PAK3: variants seen among roughly 807,000 people sequenced by gnomAD.
PAK3 encodes p21 (RAC1) activated kinase 3.
Under a neutral mutation model 41.0 loss-of-function variants are expected in PAK3, and 4 were observed. That is an observed-to-expected ratio of 0.10 (90% confidence interval 0.05 to 0.22). The LOEUF (loss-of-function observed/expected upper bound fraction) is 0.22, where lower values mean the gene tolerates loss of function less well. Ranked by LOEUF, PAK3 falls within the 10% of genes least tolerant of loss-of-function variation. The pLI, the probability that PAK3 is intolerant of heterozygous loss-of-function variation, is 1.00. For missense variants in PAK3, 205 were observed against 409.9 expected (o/e 0.50, Z 4.32); for synonymous variants, 146 against 139.6 (o/e 1.05, Z -0.32).
At chrX:110,976,014 A>T (rs921820427) in intron 1 of PAK3, among the ~76,000 whole-genome samples, 4 of 112,278 alleles carry the variant, frequency 3.6e-5, no homozygotes, top group South Asian at 3.7e-4. Context: ...ACCCTAGAAC[A>T]AAACCTAGGC....
intron 5 of PAK3, among the ~76,000 whole-genome samples, chrX:111,137,632 C>T (rs2093809770): frequency 9.0e-6 from 1 of 111,363 alleles, no homozygotes; most frequent in African/African-American, 3.3e-5. Flanking sequence ...TGATAGATGA[C>T]TAGAGGGACT....
intron 1 of PAK3, among the ~76,000 whole-genome samples, chrX:111,015,807 TTGTTGTTGC>T (rs2092080694): frequency 8.9e-6 from 1 of 112,094 alleles, no homozygotes; most frequent in South Asian, 3.7e-4. Flanking sequence ...TTTGTTGTTG[TTGTTGTTGC>T]TGTTGCTGTT....
At chrX:111,031,587 GT>G (rs2092341120) in intron 1 of PAK3, among the ~76,000 whole-genome samples, 1 of 111,440 alleles carries the variant, frequency 9.0e-6, no homozygotes, top group Non-Finnish European at 1.9e-5. Context: ...TGTACTTGTT[GT>G]TTCTTTTTGC....
rs188031555 is a variant in PAK3 at position 111,115,346 on chromosome X, T to A, written c.-27-7731T>A. Among the ~76,000 whole-genome samples, 8 of 112,075 alleles carry A rather than the reference T, an allele frequency of 7.1e-5. No homozygotes were observed. The East Asian group carries it at 2.3e-3, about 32-fold the overall frequency. ...TAAAGAGACTGCTTTGGGTGTATTA[T>A]AATCTTTTTTAAAATACCCATGCCA... On this transcript the variant is annotated intron_variant, in intron 4 of 17. Coordinates refer to ENST00000372007, the MANE Select transcript of PAK3 (RefSeq NM_002578.5).
intron 10 of PAK3, among the ~76,000 whole-genome samples, chrX:111,168,305 A>C (rs1225448196): frequency 8.9e-6 from 1 of 112,003 alleles, no homozygotes; most frequent in Non-Finnish European, 1.9e-5. Context: ...TCTGGTAGGA[A>C]ATTGTTCTGG....
intron 1 of PAK3, among the ~76,000 whole-genome samples, chrX:110,949,095 G>C (rs1486156585): frequency 8.9e-6 from 1 of 112,190 alleles, no homozygotes; most frequent in Non-Finnish European, 1.9e-5. Flanking sequence ...CAGATCTGCT[G>C]CCTCCCAGTG....
Position 111,167,848 on chromosome X carries a change from A to G in PAK3, c.766+4121A>G, listed in dbSNP as rs140473704. On this transcript the variant is annotated intron_variant, in intron 10 of 17. Transcript: ENST00000372007. ...TGTAACAAAACTGCACGTTCTGCAC[A>G]TGTACCCCATAACTTAAAGTATAAT... Among the ~76,000 whole-genome samples, 1,107 of 110,780 alleles carry G rather than the reference A, an allele frequency of 1.0e-2. 19 individuals carry two copies. Among genetic ancestry groups the G allele is most frequent in the African/African-American group, 0.033 (1,015 of 30,445 alleles).
rs772343161 is a variant in PAK3, at chrX:110,960,305, T to C, written c.-28+15677T>C. Among the ~76,000 whole-genome samples the C allele has an allele frequency of 4.5e-5, 5 of 112,085 alleles. No homozygotes were observed. In the South Asian group the frequency reaches 1.9e-3, roughly 43 times the overall value. ...ATCAACCAATCAGTAGGCAAATAAA[T>C]GTTAATAAGCATTGTGGAAAAATTT... On this transcript the variant is annotated intron_variant, in intron 1 of 14. Coordinates refer to the PAK3 transcript ENST00000425146.
At chrX:111,131,069 G>T (rs2093710309) in intron 5 of PAK3, among the ~76,000 whole-genome samples, 1 of 111,675 alleles carries the variant, frequency 9.0e-6, no homozygotes, top group Admixed American at 9.5e-5. Context: ...TTGTAAACAG[G>T]TTTCAGCCAA....
chrX:111,019,180 A>G (rs1236742869), intron 1 of PAK3, among the ~76,000 whole-genome samples: 2 of 111,690 alleles, frequency 1.8e-5, no homozygotes, highest in African/African-American at 3.2e-5. Context: ...GTGACATTGG[A>G]TTTGGCAATG....
At chrX:110,949,122 A>G (rs1211930866) in intron 1 of PAK3, among the ~76,000 whole-genome samples, 1 of 112,181 alleles carries the variant, frequency 8.9e-6, no homozygotes, top group African/African-American at 3.2e-5. Context: ...TCTTTGACTT[A>G]ACTGCCTTCT....
At chrX:111,085,296 C>T (rs955939805) in intron 1 of PAK3, among the ~76,000 whole-genome samples, 1 of 111,477 alleles carries the variant, frequency 9.0e-6, no homozygotes, top group Non-Finnish European at 1.9e-5. Flanking sequence ...CATGAGATTG[C>T]TCCCCAACCC....
At chrX:110,990,513 A>C (rs907245535) in intron 1 of PAK3, among the ~76,000 whole-genome samples, 1 of 111,044 alleles carries the variant, frequency 9.0e-6, no homozygotes, top group African/African-American at 3.3e-5. Context: ...GGGCTGAAGG[A>C]AATGTATTGA....
chrX:111,079,678 C>T (rs776433204), intron 1 of PAK3, among the ~76,000 whole-genome samples: 74 of 112,358 alleles, frequency 6.6e-4, no homozygotes, highest in Admixed American at 1.2e-3. Flanking sequence ...TTAAGAAATA[C>T]ATTTTATAAG....
intron 3 of PAK3, among the ~76,000 whole-genome samples, chrX:111,100,016 A>T (rs1429994866): frequency 9.1e-6 from 1 of 109,589 alleles, no homozygotes; most frequent in Non-Finnish European, 1.9e-5. Flanking sequence ...ATCTCTTTCA[A>T]CAGTGTGGCT....
intron 1 of PAK3, among the ~76,000 whole-genome samples, chrX:111,008,611 C>G (rs2091967756): frequency 8.9e-6 from 1 of 112,443 alleles, no homozygotes; most frequent in South Asian, 3.7e-4. Flanking sequence ...TGCCTGGGTT[C>G]AAGTTTTAGC....
chrX:111,032,638 C>A (rs1236696534), intron 1 of PAK3, among the ~76,000 whole-genome samples: 2 of 111,460 alleles, frequency 1.8e-5, no homozygotes, highest in Non-Finnish European at 3.8e-5. Flanking sequence ...CACTTGCAGA[C>A]CCTTATTAGA....
intron 7 of PAK3, among the ~76,000 whole-genome samples, chrX:111,150,927 T>C (rs146985565): frequency 0.017 from 1,858 of 111,845 alleles, 40 homozygotes; most frequent in African/African-American, 0.057. Flanking sequence ...CTGGATTTAG[T>C]ATAAGCAGGC....
At chrX:110,970,429 G>A (rs1341343268) in intron 1 of PAK3, among the ~76,000 whole-genome samples, 1 of 111,845 alleles carries the variant, frequency 8.9e-6, no homozygotes, top group Non-Finnish European at 1.9e-5. Flanking sequence ...AAAAAAGAAT[G>A]AGTTCATGTC....
Sources: allele counts gnomAD v4.1 joint callset (sites outside exome capture counted in the v4.1 genomes callset), GRCh38; gene constraint gnomAD v4.1.1; transcripts MANE v1.5; gene names NCBI Gene and HGNC (gene_info 2026-07-23, HGNC 2026-07-21).